The following NEGR1 variants were observed in gnomAD, a reference collection of about 807,000 sequenced individuals.
NEGR1 encodes neuronal growth regulator 1.
NEGR1 carries 10 observed loss-of-function variants against 40.9 expected under a neutral mutation model. That is an observed-to-expected ratio of 0.24 (90% CI 0.15 to 0.42). The LOEUF (loss-of-function observed/expected upper bound fraction) is 0.42, where lower values mean the gene tolerates loss of function less well. Ranked by LOEUF, NEGR1 falls within the 10% of genes least tolerant of loss-of-function variation. The probability of loss-of-function intolerance (pLI) is 1.00; values close to 1 mark genes in which losing one functional copy is unlikely to be tolerated. For missense variants in NEGR1, 352 were observed against 438.9 expected, an observed-to-expected ratio of 0.80 and a Z score of 1.77; for synonymous variants, 185 against 166.8, an observed-to-expected ratio of 1.11 and a Z score of -0.84.
At chr1:71,898,250 TTTC>T (rs1661026262) in intron 2 of NEGR1, among the ~76,000 whole-genome samples, 1 of 152,206 alleles carries the variant, frequency 6.6e-6, no homozygotes, top group Admixed American at 6.5e-5. Flanking sequence ...TTTTTATTTT[TTTC>T]TTATTAATAC....
intron 1 of NEGR1, among the ~76,000 whole-genome samples, chr1:72,172,319 C>G (rs957774131): frequency 1.3e-5 from 2 of 152,058 alleles, no homozygotes; most frequent in Non-Finnish European, 2.9e-5. Context: ...CAGCTACTTC[C>G]ATTTGCCACA....
At chr1:71,760,895 G>A (rs1411349478) in intron 3 of NEGR1, among the ~76,000 whole-genome samples, 1 of 152,162 alleles carries the variant, frequency 6.6e-6, no homozygotes, top group Admixed American at 6.5e-5. Context: ...CAATGGAATT[G>A]AGAGCACTAA....
intron 4 of NEGR1, among the ~76,000 whole-genome samples, chr1:71,628,987 C>A (rs1650882178): frequency 6.6e-6 from 1 of 152,084 alleles, no homozygotes; most frequent in South Asian, 2.1e-4. Flanking sequence ...GAGGAATCAC[C>A]ACACTGTCTT....
intron 2 of NEGR1, among the ~76,000 whole-genome samples, chr1:71,837,618 G>A (rs768946653): frequency 1.3e-5 from 2 of 151,948 alleles, no homozygotes; most frequent in Admixed American, 6.6e-5. Flanking sequence ...ATTGAACATA[G>A]CACTCTATCT....
chr1:71,581,855 A>G (rs1469146590), intron 6 of NEGR1, among the ~76,000 whole-genome samples: 3 of 152,010 alleles, frequency 2.0e-5, no homozygotes, highest in Non-Finnish European at 4.4e-5. Flanking sequence ...GGTGTAGACA[A>G]CCACATTCAG....
At chr1:71,609,514 CAAAAAAAAAAAAAAAAAAAAAAAAAA>C (rs61728217) in intron 5 of NEGR1, among the ~76,000 whole-genome samples, 4 of 24,098 alleles carry the variant, frequency 1.7e-4, no homozygotes, top group Admixed American at 1.1e-3. Flanking sequence ...GACTCCGTCT[CAAAAAAAAAAAAAAAAAAAAAAAAAA>C]AAAAAAAAAA....
intron 2 of NEGR1, among the ~76,000 whole-genome samples, chr1:71,809,885 A>G (rs1362113353): frequency 6.6e-6 from 1 of 152,196 alleles, no homozygotes; most frequent in Non-Finnish European, 1.5e-5. Flanking sequence ...ATCCTAACAG[A>G]CAAATTGCTT....
chr1:71,721,816 T>C (rs1277052939), intron 3 of NEGR1, among the ~76,000 whole-genome samples: 1 of 152,104 alleles, frequency 6.6e-6, no homozygotes, highest in Non-Finnish European at 1.5e-5. Context: ...AATTTGATGG[T>C]CACTAAAAGT....
At chr1:72,043,917 T>C (rs1646978078) in intron 1 of NEGR1, among the ~76,000 whole-genome samples, 1 of 151,742 alleles carries the variant, frequency 6.6e-6, no homozygotes, top group African/African-American at 2.4e-5. Context: ...GAAAAACATG[T>C]CAGAATAAAT....
intron 1 of NEGR1, among the ~76,000 whole-genome samples, chr1:72,281,474 G>C (rs913418168): frequency 6.6e-6 from 1 of 152,192 alleles, no homozygotes; most frequent in Admixed American, 6.5e-5. Context: ...TGGTACTGGA[G>C]GGGAACAGTG....
chr1:71,923,559 G>A (rs1361724364), intron 2 of NEGR1, among the ~76,000 whole-genome samples: 1 of 152,144 alleles, frequency 6.6e-6, no homozygotes, highest in African/African-American at 2.4e-5. Flanking sequence ...CAAATTTAGT[G>A]GCTTAAAACA....
intron 4 of NEGR1, among the ~76,000 whole-genome samples, chr1:71,697,465 T>C (rs1653515634): frequency 6.6e-6 from 1 of 151,822 alleles, no homozygotes; most frequent in Non-Finnish European, 1.5e-5. Context: ...CATTGACGGT[T>C]CTGCAGGTAT....
intron 1 of NEGR1, among the ~76,000 whole-genome samples, chr1:72,083,766 A>G (rs1244797269): frequency 6.6e-6 from 1 of 152,058 alleles, no homozygotes; most frequent in African/African-American, 2.4e-5. Context: ...AGTTCACAGC[A>G]AAATGGAGTG....
chr1:71,556,692 C>T (rs1414830066), intron 6 of NEGR1, among the ~76,000 whole-genome samples: 1 of 151,332 alleles, frequency 6.6e-6, no homozygotes, highest in East Asian at 2.0e-4. Flanking sequence ...AAAACTCACT[C>T]ACACTGCCAC....
intron 4 of NEGR1, among the ~76,000 whole-genome samples, chr1:71,648,860 C>A (rs1318484652): frequency 6.6e-6 from 1 of 151,970 alleles, no homozygotes; most frequent in African/African-American, 2.4e-5. Context: ...CTGCTGTGTT[C>A]AATTTTCACT....
chr1:71,847,200 G>A (rs1304037642), intron 2 of NEGR1, among the ~76,000 whole-genome samples: 1 of 152,096 alleles, frequency 6.6e-6, no homozygotes, highest in African/African-American at 2.4e-5. Context: ...CATCCCCTCT[G>A]CTGTGTTGAG....
intron 1 of NEGR1, among the ~76,000 whole-genome samples, chr1:72,076,601 T>A (rs1250016072): frequency 2.0e-5 from 3 of 150,934 alleles, no homozygotes; most frequent in African/African-American, 7.3e-5. Flanking sequence ...ATCTTGATCT[T>A]CCATAACAAG....
chr1:72,253,783 G>T (rs905612949), intron 1 of NEGR1, among the ~76,000 whole-genome samples: 149 of 152,262 alleles, frequency 9.8e-4, no homozygotes, highest in African/African-American at 3.5e-3. Context: ...GATATTAGAA[G>T]AGATTAGCAA....
intron 1 of NEGR1, among the ~76,000 whole-genome samples, chr1:72,202,582 G>A (rs1233817281): frequency 1.3e-5 from 2 of 151,996 alleles, no homozygotes; most frequent in African/African-American, 4.8e-5. Flanking sequence ...GAGTGTTTTA[G>A]TGGTCTGGAT....
Sources: allele counts gnomAD v4.1 joint callset (sites outside exome capture counted in the v4.1 genomes callset), GRCh38; gene constraint gnomAD v4.1.1; transcripts MANE v1.5; gene names NCBI Gene and HGNC (gene_info 2026-07-23, HGNC 2026-07-21).